The following FGF23 variants were observed in gnomAD, a reference collection of about 807,000 sequenced individuals.
The protein encoded by FGF23 is fibroblast growth factor 23.
A neutral mutation model predicts 9.0 loss-of-function variants in FGF23; 8 were observed. The ratio of observed to expected loss-of-function variants is 0.89; its 90% confidence interval spans 0.52 to 1.60. The LOEUF (loss-of-function observed/expected upper bound fraction) is 1.60, where lower values mean the gene tolerates loss of function less well. Among genes scored for constraint, FGF23 ranks in the 40% most tolerant of loss-of-function variants. The probability of loss-of-function intolerance (pLI) is 0.00; values close to 1 mark genes in which losing one functional copy is unlikely to be tolerated. For synonymous variants in FGF23, 118 were observed against 146.2 expected, an observed-to-expected ratio of 0.81 and a Z score of 1.39; for missense variants, 311 against 344.3, an observed-to-expected ratio of 0.90 and a Z score of 0.77.
At chr12:4,378,563 C>T (rs1387883113) in intron 1 of FGF23, among the ~76,000 whole-genome samples, 1 of 152,196 alleles carries the variant, frequency 6.6e-6, no homozygotes, top group Non-Finnish European at 1.5e-5. Context: ...TCTCCACAAA[C>T]CTGATCTTTA....
chr12:4,368,915 AAGGTT>A lies in FGF23; in HGVS notation c.*1423_*1427del, dbSNP rs1465515213. The A allele has an allele frequency of 4.5e-6, 1 of 223,084 alleles. No homozygotes were observed. The allele number at this position is 223,084 out of a possible 1,614,324, so 13.8% of individuals were successfully genotyped here. ...AACCAAAAAGAATAGATCAAAGTAT[AAGGTT>A]AGTATGTGATGGCAGTGAGAAAAAA... On this transcript the variant is annotated 3_prime_UTR_variant, in exon 3 of 3. Transcript: ENST00000237837.
Position 4,370,640 on chromosome 12 carries a change from C to G in FGF23, c.459G>C (p.Pro153=). The change falls in exon 3 of 3, where the codon CCG becomes CCC. Residue 153 remains proline, a synonymous_variant. Coordinates refer to ENST00000237837, the MANE Select transcript of FGF23 (RefSeq NM_020638.3). ...RAFLPGMNPP[P]YSQFLSRRNE... is the part of the protein sequence containing the mutation. ...TCCTCCGGGACAGGAACTGGGAGTACGGGGGTGGGTTCATGCCTGGCAGGA... is the reference window on the plus strand; with the variant it reads ...TCCTCCGGGACAGGAACTGGGAGTAGGGGGGTGGGTTCATGCCTGGCAGGA... 1 of 1,613,978 alleles carries G rather than the reference C, an allele frequency of 6.2e-7. No individual in the cohort carries two copies. The highest frequency in any genetic ancestry group is 1.1e-5 in the South Asian group (1 of 91,076).
Position 4,370,341 on chromosome 12 carries a change from C to A in FGF23, c.*2G>T. The A allele has an allele frequency of 6.2e-7, 1 of 1,613,068 alleles. No homozygotes were observed. Among genetic ancestry groups the A allele is most frequent in the South Asian group, 1.1e-5 (1 of 91,080 alleles). Reference sequence around the variant, plus strand: ...GTTAAAGAGGGTGCCCTTCCAGCGACCCTAGATGAACTTGGCGAAGGGGCG... The same window carrying A: ...GTTAAAGAGGGTGCCCTTCCAGCGAACCTAGATGAACTTGGCGAAGGGGCG... On this transcript the variant is annotated 3_prime_UTR_variant, in exon 3 of 3. Coordinates refer to ENST00000237837, the MANE Select transcript of FGF23 (RefSeq NM_020638.3).
intron 1 of FGF23, among the ~76,000 whole-genome samples, chr12:4,376,302 A>G (rs1425187228): frequency 1.3e-5 from 2 of 152,198 alleles, no homozygotes; most frequent in Non-Finnish European, 2.9e-5. Flanking sequence ...TGGGTTGTGC[A>G]CTCAACTCTT....
At chr12:4,373,766 G>A (rs945050017) in intron 1 of FGF23, among the ~76,000 whole-genome samples, 5 of 152,148 alleles carry the variant, frequency 3.3e-5, no homozygotes, top group African/African-American at 1.2e-4. Context: ...TTAATTACCT[G>A]ACATTTTCTG....
Position 4,372,106 on chromosome 12 carries a change from C to T in FGF23, c.315+488G>A, listed in dbSNP as rs1056374749. Among the ~76,000 whole-genome samples, 11 of 143,084 alleles carry T rather than the reference C, an allele frequency of 7.7e-5. No individual in the cohort carries two copies. In the East Asian group the frequency reaches 1.5e-3, roughly 19 times the overall value. 93.9% of individuals were successfully genotyped at this position (143,084 alleles called of 152,430 possible). A position where few individuals can be genotyped will look rare whatever the true frequency, so the allele number is the denominator to read the frequency against. ...AAACCAAACACCGCATATTCTCACTCGTAGGTGGGAATTGAACAATGAGAT... is the reference window on the plus strand; with the variant it reads ...AAACCAAACACCGCATATTCTCACTTGTAGGTGGGAATTGAACAATGAGAT... On this transcript the variant is annotated intron_variant, in intron 2 of 2. Transcript: ENST00000237837.
chr12:4,379,710 G>C lies in FGF23; in HGVS notation c.-128C>G, dbSNP rs1440588292. ...TAGCTGGTGTGAGGATCCTAGACTG[G>C]ATTCCCTCCTTTTTGCCGTCAGACT... On this transcript the variant is annotated 5_prime_UTR_variant, in exon 1 of 3. It adds an upstream start codon to the 5' untranslated region. Coordinates refer to ENST00000237837, the MANE Select transcript of FGF23 (RefSeq NM_020638.3). 2 of 790,174 alleles carry C rather than the reference G, an allele frequency of 2.5e-6. No homozygotes were observed. The highest frequency in any genetic ancestry group is 4.2e-6 in the Non-Finnish European group (2 of 470,922). 48.9% of individuals were successfully genotyped at this position (790,174 alleles called of 1,614,324 possible).
rs544232484 is a variant in FGF23 at position 4,379,274 on chromosome 12, T to C, written c.211+98A>G. The C allele has an allele frequency of 3.9e-6, 4 of 1,031,932 alleles. No homozygotes were observed. The East Asian group carries it at 7.1e-5, about 18-fold the overall frequency. The allele number at this position is 1,031,932 out of a possible 1,614,324, so 63.9% of individuals were successfully genotyped here. The stretch of plus-strand genomic sequence containing the variant: ...GTTCCTGGGCAGAAAGCTAGGAGGG[T>C]TGGATTAGCCCTCCAGTCTAGTCCC... On this transcript the variant is annotated intron_variant, in intron 1 of 2. Coordinates refer to ENST00000237837, the MANE Select transcript of FGF23 (RefSeq NM_020638.3).
chr12:4,370,860 A>G (rs1203505849), intron 2 of FGF23, 77 bp from the exon 3 acceptor site: 10 of 1,234,938 alleles, frequency 8.1e-6, no homozygotes, highest in African/African-American at 1.5e-5. Context: ...CTGGGGCCAC[A>G]TGCTTGTGCC....
intron 1 of FGF23, among the ~76,000 whole-genome samples, chr12:4,377,348 G>T (rs551911141): frequency 6.6e-6 from 1 of 151,160 alleles, no homozygotes; most frequent in Admixed American, 6.6e-5. Context: ...CTAGTTGGAT[G>T]CAGCCCTTTC....
At chr12:4,379,292 C>G in intron 1 of FGF23, 80 bp downstream of exon 1, 1 of 1,273,632 alleles carries the variant, frequency 7.9e-7, no homozygotes, top group African/African-American at 1.5e-5. Flanking sequence ...GCCCTCCAGT[C>G]TAGTCCCCAA....
At chr12:4,377,236 C>T (rs1357469427) in intron 1 of FGF23, among the ~76,000 whole-genome samples, 2 of 152,192 alleles carry the variant, frequency 1.3e-5, no homozygotes, top group East Asian at 3.9e-4. Context: ...CGTAGCCGGC[C>T]TGTTCTGTTC....
At position 4,369,901 on chromosome 12, in the gene FGF23, G is replaced by C. The variant is rs1865040481; in HGVS notation, c.*442C>G. 4.2e-6 allele frequency: 1 copy of C among 239,314 alleles called. No individual in the cohort carries two copies. Among genetic ancestry groups the C allele is most frequent in the Non-Finnish European group, 8.2e-6 (1 of 122,316 alleles). 14.8% of individuals were successfully genotyped at this position (239,314 alleles called of 1,614,324 possible). A position where few individuals can be genotyped will look rare whatever the true frequency, so the allele number is the denominator to read the frequency against. On this transcript the variant is annotated 3_prime_UTR_variant, in exon 3 of 3. Coordinates refer to ENST00000237837, the MANE Select transcript of FGF23 (RefSeq NM_020638.3). ...TCTAACATAAATGCATAGGGCAGTG[G>C]AGAAGCTTCTGGGATCTCCGATTTC...
At position 4,370,759 on chromosome 12, in the gene FGF23, T is replaced by C. The variant is rs1228363249; in HGVS notation, c.340A>G (p.Arg114Gly). The change falls in exon 3 of 3, where the codon AGG becomes GGG. Residue 114 changes from arginine (R) to glycine (G), a missense_variant. Arg to Gly is a moderately radical substitution (Grantham distance 125). This residue lies in a region of FGF23 where 206 missense variants were observed against 219.2 expected (regional missense o/e 0.94). Transcript: ENST00000237837. ...GSHYFDPENC[R>G]FQHQTLENGY... ...TTTTCCAGCGTCTGGTGTTGGAACC[T>C]GCAGTTCTCCGGGTCGAAATAGTGC... 2.5e-6 allele frequency: 4 copies of C among 1,614,096 alleles called. No homozygotes were observed. Among genetic ancestry groups the C allele is most frequent in the East Asian group, 4.5e-5 (2 of 44,872 alleles).
At position 4,370,902 on chromosome 12, in the gene FGF23, G is replaced by T. The variant is rs956212138; in HGVS notation, c.316-119C>A. 23 of 847,802 alleles carry T rather than the reference G, an allele frequency of 2.7e-5. No individual in the cohort carries two copies. In the African/African-American group the frequency reaches 3.8e-4, roughly 14 times the overall value. The allele number at this position is 847,802 out of a possible 1,614,324, so 52.5% of individuals were successfully genotyped here. A position where few individuals can be genotyped will look rare whatever the true frequency, so the allele number is the denominator to read the frequency against. ...CCTGAAGCTCTGCAGTTCTTAGGGCGTTGAGCCTTCACCCCTTTGTTCCCT... is the reference window on the plus strand; with the variant it reads ...CCTGAAGCTCTGCAGTTCTTAGGGCTTTGAGCCTTCACCCCTTTGTTCCCT... On this transcript the variant is annotated intron_variant, in intron 2 of 2. Transcript: ENST00000237837.
chr12:4,372,471 CAG>C, intron 2 of FGF23, 121 bp downstream of exon 2: 1 of 716,188 alleles, frequency 1.4e-6, no homozygotes, highest in Non-Finnish European at 2.5e-6. Context: ...CATGAAGTAT[CAG>C]TGGAAACAGG....
At chr12:4,372,340 A>AT (rs397935946) in intron 2 of FGF23, among the ~76,000 whole-genome samples, 1 of 151,552 alleles carries the variant, frequency 6.6e-6, no homozygotes, top group Non-Finnish European at 1.5e-5. Context: ...AAAAAAAAAA[A>AT]GTGGGTTCCA....
rs945905010 is a variant in FGF23, at chr12:4,368,704, G to T, written c.*1639C>A. On this transcript the variant is annotated 3_prime_UTR_variant, in exon 3 of 3. Coordinates refer to ENST00000237837, the MANE Select transcript of FGF23 (RefSeq NM_020638.3). ...AAATCCTTTTGGGATCTTTCACTGA[G>T]GAGCCTCCAATAGCTATTATGCAGG... 2 of 203,770 alleles carry T rather than the reference G, an allele frequency of 9.8e-6. No individual in the cohort carries two copies. The highest frequency in any genetic ancestry group is 2.3e-5 in the African/African-American group (1 of 43,638). The allele number at this position is 203,770 out of a possible 1,614,324, so 12.6% of individuals were successfully genotyped here.
chr12:4,377,522 C>T (rs1421812081), intron 1 of FGF23, among the ~76,000 whole-genome samples: 1 of 146,676 alleles, frequency 6.8e-6, no homozygotes, highest in Non-Finnish European at 1.5e-5. Context: ...GCTCTGCCTC[C>T]CGGGTTCACG....
Sources: allele counts gnomAD v4.1 joint callset (sites outside exome capture counted in the v4.1 genomes callset), GRCh38; gene constraint gnomAD v4.1.1; regional missense constraint gnomAD v4.1.1; transcripts MANE v1.5; gene names NCBI Gene and HGNC (gene_info 2026-07-23, HGNC 2026-07-21).